CFAP95: variants seen among roughly 807,000 people sequenced by gnomAD.
CFAP95 encodes the protein cilia and flagella associated protein 95, also known as cilia- and flagella-associated protein 95.
At chr9:69,846,904 A>C in the CFAP95 span, among the ~76,000 whole-genome samples, 1 of 152,238 alleles carries the variant, frequency 6.6e-6, no homozygotes, top group Non-Finnish European at 1.5e-5. Context: ...CTTAAAGACA[A>C]GGGACTGAAG....
At chr9:69,874,272 C>T in the CFAP95 span, among the ~76,000 whole-genome samples, 1 of 152,112 alleles carries the variant, frequency 6.6e-6, no homozygotes, top group Non-Finnish European at 1.5e-5. Flanking sequence ...ATAAAAATTT[C>T]AAGCACACCA....
the CFAP95 span, among the ~76,000 whole-genome samples, chr9:69,831,382 T>A: frequency 6.6e-6 from 1 of 152,272 alleles, no homozygotes; most frequent in East Asian, 1.9e-4. Context: ...AAGCTTTTTT[T>A]AAAAAAAGCA....
chr9:69,845,581 T>G, the CFAP95 span, among the ~76,000 whole-genome samples: 1 of 152,306 alleles, frequency 6.6e-6, no homozygotes, highest in African/African-American at 2.4e-5. Flanking sequence ...CAAATTAGCT[T>G]AGCATGGCAG....
At chr9:69,825,133 T>TA in the CFAP95 span, among the ~76,000 whole-genome samples, 1 of 152,224 alleles carries the variant, frequency 6.6e-6, no homozygotes, top group African/African-American at 2.4e-5. Flanking sequence ...AAATTTTTAT[T>TA]AAATTTTAAT....
At chr9:69,856,722 G>C in the CFAP95 span, 3 of 1,352,088 alleles carry the variant, frequency 2.2e-6, no homozygotes, top group South Asian at 3.7e-5. Context: ...CATGCAGAAA[G>C]GACTTGTATA....
At chr9:69,862,512 A>G in the CFAP95 span, among the ~76,000 whole-genome samples, 724 of 152,330 alleles carry the variant, frequency 4.8e-3, 1 homozygote, top group African/African-American at 0.016. Context: ...TGAATATTAA[A>G]TAATATTTTG....
the CFAP95 span, among the ~76,000 whole-genome samples, chr9:69,831,562 G>C: frequency 6.6e-6 from 1 of 152,176 alleles, no homozygotes; most frequent in East Asian, 1.9e-4. Context: ...AGAGGTTACT[G>C]TGAGATAGGA....
the CFAP95 span, among the ~76,000 whole-genome samples, chr9:69,898,192 G>C: frequency 6.6e-6 from 1 of 152,108 alleles, no homozygotes; most frequent in South Asian, 2.1e-4. Context: ...TCTGGGTTAG[G>C]CTTCTTTGGA....
At chr9:69,834,814 A>G in the CFAP95 span, among the ~76,000 whole-genome samples, 1 of 152,236 alleles carries the variant, frequency 6.6e-6, no homozygotes, top group Non-Finnish European at 1.5e-5. Context: ...CACATACAGC[A>G]TGAGACACAT....
At chr9:69,842,133 C>T in the CFAP95 span, among the ~76,000 whole-genome samples, 1 of 152,150 alleles carries the variant, frequency 6.6e-6, no homozygotes, top group African/African-American at 2.4e-5. Flanking sequence ...AGGGATGGTG[C>T]TGGGTTTCCA....
At chr9:69,855,176 A>G in the CFAP95 span, among the ~76,000 whole-genome samples, 1 of 152,246 alleles carries the variant, frequency 6.6e-6, no homozygotes, top group Non-Finnish European at 1.5e-5. Context: ...TGTCTGGCAC[A>G]GAATAAGCAC....
At chr9:69,893,429 G>A in the CFAP95 span, among the ~76,000 whole-genome samples, 3 of 152,208 alleles carry the variant, frequency 2.0e-5, no homozygotes, top group African/African-American at 4.8e-5. Flanking sequence ...AGAACAGGGT[G>A]AAGATTCTAT....
the CFAP95 span, among the ~76,000 whole-genome samples, chr9:69,888,148 T>C: frequency 6.6e-6 from 1 of 152,202 alleles, no homozygotes; most frequent in Admixed American, 6.5e-5. Context: ...GAATTTGTTT[T>C]CTATGAGAAT....
At chr9:69,888,976 T>A in the CFAP95 span, among the ~76,000 whole-genome samples, 7 of 152,058 alleles carry the variant, frequency 4.6e-5, no homozygotes, top group Non-Finnish European at 8.8e-5. Flanking sequence ...CATATGCAAA[T>A]ACATTCATCA....
the CFAP95 span, among the ~76,000 whole-genome samples, chr9:69,858,366 G>C: frequency 1.3e-5 from 2 of 152,166 alleles, no homozygotes; most frequent in Non-Finnish European, 2.9e-5. Context: ...TGCCTTCTTG[G>C]TTCAGCTCTC....
At chr9:69,823,178 C>T in the CFAP95 span, among the ~76,000 whole-genome samples, 1 of 152,146 alleles carries the variant, frequency 6.6e-6, no homozygotes, top group Non-Finnish European at 1.5e-5. Context: ...CACAAGGCAG[C>T]AGGAGAGAGA....
the CFAP95 span, among the ~76,000 whole-genome samples, chr9:69,831,627 C>T: frequency 1.3e-5 from 2 of 152,024 alleles, no homozygotes; most frequent in African/African-American, 2.4e-5. Context: ...TTTTGATTAG[C>T]GGTAAGCAGG....
the CFAP95 span, among the ~76,000 whole-genome samples, chr9:69,832,608 T>C: frequency 8.0e-6 from 1 of 124,736 alleles, no homozygotes; most frequent in Admixed American, 8.4e-5. Flanking sequence ...TCTATAGAAA[T>C]AGTCTATTCG....
At chr9:69,887,380 G>A in the CFAP95 span, among the ~76,000 whole-genome samples, 2 of 152,136 alleles carry the variant, frequency 1.3e-5, no homozygotes, top group East Asian at 1.9e-4. Flanking sequence ...CTTAACCAGG[G>A]CAGTAGACAT....
Sources: allele counts gnomAD v4.1 joint callset (sites outside exome capture counted in the v4.1 genomes callset), GRCh38; gene constraint gnomAD v4.1.1; transcripts MANE v1.5; gene names NCBI Gene and HGNC (gene_info 2026-07-23, HGNC 2026-07-21).